The following PPM1H variants were observed in gnomAD, a reference collection of about 807,000 sequenced individuals.
PPM1H encodes protein phosphatase, Mg2+/Mn2+ dependent 1H.
Under a neutral mutation model 54.9 loss-of-function variants are expected in PPM1H, and 27 were observed. That is an observed-to-expected ratio of 0.49 (90% CI 0.36 to 0.68). The LOEUF is 0.68. PPM1H is among the 30% of genes least tolerant of loss of function. The probability of loss-of-function intolerance (pLI) is 0.00; values close to 1 mark genes in which losing one functional copy is unlikely to be tolerated. For synonymous variants in PPM1H, 305 were observed against 270.8 expected (o/e 1.13, Z -1.24); for missense variants, 596 against 667.8 (o/e 0.89, Z 1.19).
chr12:62,678,950 G>A (rs1274352722), intron 8 of PPM1H, among the ~76,000 whole-genome samples: 3 of 151,926 alleles, frequency 2.0e-5, no homozygotes, highest in Admixed American at 1.3e-4. Flanking sequence ...GCCTCCCAAA[G>A]TTCTGTGATT....
intron 4 of PPM1H, among the ~76,000 whole-genome samples, chr12:62,762,138 G>A (rs570441106): frequency 4.0e-4 from 61 of 152,308 alleles, no homozygotes; most frequent in African/African-American, 1.4e-3. Flanking sequence ...CCCTAACTAC[G>A]TATGGCCCAT....
intron 1 of PPM1H, among the ~76,000 whole-genome samples, chr12:62,877,438 C>G (rs1253729661): frequency 6.6e-6 from 1 of 152,228 alleles, no homozygotes; most frequent in East Asian, 1.9e-4. Context: ...CTTCTAGCAT[C>G]ACTGCCCGAG....
intron 1 of PPM1H, among the ~76,000 whole-genome samples, chr12:62,852,931 G>A (rs542274059): frequency 9.8e-4 from 149 of 152,156 alleles, no homozygotes; most frequent in Non-Finnish European, 1.7e-3. Context: ...CCCAGTGTAC[G>A]GGAAACAAAG....
chr12:62,762,691 A>G (rs1330468167), intron 4 of PPM1H, among the ~76,000 whole-genome samples: 1 of 152,126 alleles, frequency 6.6e-6, no homozygotes, highest in Admixed American at 6.5e-5. Flanking sequence ...TTCTGTGTGT[A>G]AGTTCCCCAT....
intron 4 of PPM1H, among the ~76,000 whole-genome samples, chr12:62,786,215 C>T (rs2076670452): frequency 6.6e-6 from 1 of 152,254 alleles, no homozygotes; most frequent in Non-Finnish European, 1.5e-5. Flanking sequence ...CCTCTGTCTA[C>T]CGACCAGCTC....
intron 5 of PPM1H, among the ~76,000 whole-genome samples, chr12:62,736,353 A>G (rs1206656576): frequency 1.3e-5 from 2 of 152,218 alleles, no homozygotes; most frequent in Non-Finnish European, 2.9e-5. Flanking sequence ...CCACCGGCCT[A>G]GACTACCAAA....
At chr12:62,810,538 A>G (rs1448394251) in intron 2 of PPM1H, among the ~76,000 whole-genome samples, 1 of 152,248 alleles carries the variant, frequency 6.6e-6, no homozygotes, top group African/African-American at 2.4e-5. Context: ...AAGGAGGAAC[A>G]TCTCCTCAGT....
intron 2 of PPM1H, among the ~76,000 whole-genome samples, chr12:62,814,246 T>TTTTATA (rs1221818040): frequency 2.6e-5 from 4 of 152,116 alleles, no homozygotes; most frequent in Non-Finnish European, 5.9e-5. Context: ...CCAGGCTTTA[T>TTTTATA]TTTTTATTTT....
chr12:62,853,131 A>C (rs559226823), intron 1 of PPM1H, among the ~76,000 whole-genome samples: 2 of 152,286 alleles, frequency 1.3e-5, no homozygotes, highest in East Asian at 3.9e-4. Flanking sequence ...ATCAATGAGA[A>C]GTTTCTCGGG....
chr12:62,675,949 C>T (rs2136622069), intron 8 of PPM1H, among the ~76,000 whole-genome samples: 1 of 152,290 alleles, frequency 6.6e-6, no homozygotes, highest in Middle Eastern at 3.4e-3. Context: ...AGCAAGAAGC[C>T]CAGAACATAG....
At chr12:62,813,763 T>G (rs996063078) in intron 2 of PPM1H, among the ~76,000 whole-genome samples, 3 of 152,300 alleles carry the variant, frequency 2.0e-5, no homozygotes, top group Non-Finnish European at 4.4e-5. Context: ...GGAATTATAC[T>G]CGCTATTGTT....
intron 3 of PPM1H, among the ~76,000 whole-genome samples, chr12:62,799,364 G>A (rs1194691781): frequency 6.6e-6 from 1 of 152,130 alleles, no homozygotes; most frequent in Non-Finnish European, 1.5e-5. Flanking sequence ...GGTAAAAGAT[G>A]TCCTGTGGCA....
At chr12:62,882,025 C>T (rs1431969928) in intron 1 of PPM1H, among the ~76,000 whole-genome samples, 1 of 152,150 alleles carries the variant, frequency 6.6e-6, no homozygotes, top group Admixed American at 6.6e-5. Flanking sequence ...ATCCAAGAAA[C>T]ATGCCAAATA....
intron 4 of PPM1H, among the ~76,000 whole-genome samples, chr12:62,776,109 C>T (rs564195097): frequency 8.6e-4 from 131 of 152,200 alleles, no homozygotes; most frequent in Middle Eastern, 6.8e-3. Flanking sequence ...TACTCCCCCA[C>T]GACTCAGTTA....
chr12:62,906,820 C>A (rs937479818), intron 1 of PPM1H, among the ~76,000 whole-genome samples: 1 of 152,202 alleles, frequency 6.6e-6, no homozygotes, highest in Non-Finnish European at 1.5e-5. Context: ...TACAATAGAA[C>A]CTGGCTTCAG....
At chr12:62,798,353 G>A (rs886308138) in intron 3 of PPM1H, among the ~76,000 whole-genome samples, 2 of 152,196 alleles carry the variant, frequency 1.3e-5, no homozygotes, top group Admixed American at 6.5e-5. Flanking sequence ...GCTACCTGTG[G>A]AGATATTCAA....
rs552512234 is a variant in PPM1H, at chr12:62,653,137, T to C, written c.1398-4501A>G. On this transcript the variant is annotated intron_variant, in intron 9 of 9. Transcript: ENST00000228705. ...ATAGGTAAATGGCTTTTGTCATTGA[T>C]AGCTTTTCAAGTTTTTGTGTTTTTG... Among the ~76,000 whole-genome samples, 477 of 152,348 alleles carry C rather than the reference T, an allele frequency of 3.1e-3. 1 individual carries two copies. Among genetic ancestry groups the C allele is most frequent in the Middle Eastern group, 0.02 (6 of 294 alleles).
In PPM1H at chr12:62,678,899, C is replaced by T. The variant is rs575317093; in HGVS notation, c.1245+10800G>A. On this transcript the variant is annotated intron_variant, in intron 8 of 9. Transcript: ENST00000228705. ...ACAGGGTTTCACCATGTTGGCCAGG[C>T]TGGTCTTGAACTCCTGGCCTCAAGT... 1.8e-4 allele frequency among the ~76,000 whole-genome samples: 28 copies of T among 151,792 alleles called. No homozygotes were observed. The East Asian group carries it at 4.5e-3, about 24-fold the overall frequency.
At chr12:62,853,544 T>C (rs1869271284) in intron 1 of PPM1H, among the ~76,000 whole-genome samples, 1 of 152,158 alleles carries the variant, frequency 6.6e-6, no homozygotes, top group African/African-American at 2.4e-5. Flanking sequence ...ACAGTTCAGA[T>C]ACTTATTAAA....
Sources: gnomAD v4.1 joint callset for allele counts (sites outside exome capture counted in the v4.1 genomes callset) on GRCh38, gnomAD v4.1.1 for gene constraint, MANE v1.5 for transcripts, NCBI Gene and HGNC (gene_info 2026-07-23, HGNC 2026-07-21) for gene names.